PTPRD: variants seen among roughly 807,000 people sequenced by gnomAD.
PTPRD encodes protein tyrosine phosphatase receptor type D.
In PTPRD, 34 loss-of-function variants were observed where a neutral mutation model predicts 214.5. The ratio of observed to expected loss-of-function variants is 0.16; its 90% CI spans 0.12 to 0.21. PTPRD has a LOEUF of 0.21. Ranked by LOEUF, PTPRD falls within the 10% of genes least tolerant of loss-of-function variation. The pLI is 1.00. For missense variants in PTPRD, 2,545 were observed against 2,398.7 expected, an observed-to-expected ratio of 1.06 and a Z score of -1.27; for synonymous variants, 1,128 against 845.7, an observed-to-expected ratio of 1.33 and a Z score of -5.79.
At chr9:8,795,546 C>T (rs576910333) in intron 11 of PTPRD, among the ~76,000 whole-genome samples, 41 of 152,120 alleles carry the variant, frequency 2.7e-4, no homozygotes, top group Non-Finnish European at 5.6e-4. Flanking sequence ...CATTGGATAC[C>T]ACCACCAATA....
At chr9:10,299,227 A>G (rs1443532157) in intron 3 of PTPRD, among the ~76,000 whole-genome samples, 1 of 152,160 alleles carries the variant, frequency 6.6e-6, no homozygotes, top group Non-Finnish European at 1.5e-5. Flanking sequence ...TATTATCATC[A>G]TCAACAATGG....
At chr9:8,322,781 A>T (rs1383847703) in intron 44 of PTPRD, among the ~76,000 whole-genome samples, 1 of 152,192 alleles carries the variant, frequency 6.6e-6, no homozygotes, top group Non-Finnish European at 1.5e-5. Flanking sequence ...TATTGGAAGA[A>T]GTTGTCATCT....
At chr9:9,234,806 T>C (rs2099965537) in intron 9 of PTPRD, among the ~76,000 whole-genome samples, 2 of 152,180 alleles carry the variant, frequency 1.3e-5, no homozygotes, top group Non-Finnish European at 2.9e-5. Context: ...CATACCACTA[T>C]CAGCATTTCG....
chr9:9,802,851 T>C (rs1009568694), intron 5 of PTPRD, among the ~76,000 whole-genome samples: 5 of 151,900 alleles, frequency 3.3e-5, no homozygotes, highest in African/African-American at 1.2e-4. Context: ...TGTTTATTCA[T>C]TCTCTCTTTC....
chr9:8,325,193 A>G (rs1188692210), intron 44 of PTPRD, among the ~76,000 whole-genome samples: 1 of 150,026 alleles, frequency 6.7e-6, no homozygotes, highest in Non-Finnish European at 1.5e-5. Flanking sequence ...CCTGAATGGT[A>G]TTGCCTAGGT....
intron 12 of PTPRD, among the ~76,000 whole-genome samples, chr9:8,716,121 CT>C (rs1336193007): frequency 6.6e-6 from 1 of 152,126 alleles, no homozygotes; most frequent in East Asian, 1.9e-4. Flanking sequence ...CCGCAATTAC[CT>C]TTGCACCAAC....
chr9:10,567,185 A>G (rs747937342), intron 2 of PTPRD, among the ~76,000 whole-genome samples: 1 of 152,056 alleles, frequency 6.6e-6, no homozygotes, highest in Non-Finnish European at 1.5e-5. Flanking sequence ...AGTAATCTTT[A>G]TATTTCATAT....
At chr9:8,814,482 C>G (rs1484070917) in intron 11 of PTPRD, among the ~76,000 whole-genome samples, 2 of 152,032 alleles carry the variant, frequency 1.3e-5, no homozygotes, top group African/African-American at 2.4e-5. Context: ...AGGAAGACCC[C>G]AGAAAGGGTG....
intron 8 of PTPRD, among the ~76,000 whole-genome samples, chr9:9,520,527 C>CT (rs898186496): frequency 1.6e-4 from 24 of 152,114 alleles, no homozygotes; most frequent in African/African-American, 5.1e-4. Flanking sequence ...AATACAGTGT[C>CT]TTTTTTCTAC....
intron 27 of PTPRD, among the ~76,000 whole-genome samples, chr9:8,491,637 T>A (rs1272530096): frequency 6.8e-6 from 1 of 147,380 alleles, no homozygotes; most frequent in Non-Finnish European, 1.5e-5. Context: ...GGGCATTAAA[T>A]TAGCTTGATA....
intron 8 of PTPRD, among the ~76,000 whole-genome samples, chr9:9,425,261 C>G (rs13283014): frequency 0.068 from 10,340 of 151,888 alleles, 502 homozygotes; most frequent in Non-Finnish European, 0.11. Flanking sequence ...ACCAAATATG[C>G]TGAGCCTGGC....
intron 3 of PTPRD, among the ~76,000 whole-genome samples, chr9:10,332,077 A>C (rs2096761210): frequency 6.6e-6 from 1 of 151,838 alleles, no homozygotes; most frequent in Non-Finnish European, 1.5e-5. Flanking sequence ...TTTTACATTT[A>C]AATTGTTTTA....
chr9:10,029,661 T>C lies in PTPRD; in HGVS notation c.-472+4057A>G, dbSNP rs115001551. ...TATTTCCCCAGTGCCTGTATCCCTA[T>C]TGTACCTAGGAAGTAACTAATTTGC... On this transcript the variant is annotated intron_variant, in intron 4 of 45. Coordinates refer to ENST00000381196, the MANE Select transcript of PTPRD (RefSeq NM_002839.4). Among the ~76,000 whole-genome samples the C allele has an allele frequency of 2.6e-3, 394 of 152,300 alleles. 2 individuals are homozygous for C. The highest frequency in any genetic ancestry group is 8.6e-3 in the African/African-American group (358 of 41,576).
At chr9:9,159,823 T>C (rs2099884863) in intron 10 of PTPRD, among the ~76,000 whole-genome samples, 1 of 152,090 alleles carries the variant, frequency 6.6e-6, no homozygotes, top group African/African-American at 2.4e-5. Context: ...GTGATTGTAA[T>C]AAAAATCTCA....
intron 9 of PTPRD, among the ~76,000 whole-genome samples, chr9:9,323,381 A>C (rs1967691070): frequency 6.6e-6 from 1 of 152,176 alleles, no homozygotes; most frequent in Admixed American, 6.5e-5. Context: ...AGTTAGGTAG[A>C]AGTACAATTA....
At chr9:9,470,482 A>G (rs909352692) in intron 8 of PTPRD, among the ~76,000 whole-genome samples, 1 of 152,208 alleles carries the variant, frequency 6.6e-6, no homozygotes, top group African/African-American at 2.4e-5. Context: ...AAAGTATTTT[A>G]TTAATTAGAA....
In PTPRD at chr9:9,422,313, T is replaced by C. The variant is rs185139298; in HGVS notation, c.-236-24831A>G. 1.3e-3 allele frequency among the ~76,000 whole-genome samples: 195 copies of C among 152,286 alleles called. 1 individual carries two copies. Among genetic ancestry groups the C allele is most frequent in the Admixed American group, 0.012 (179 of 15,276 alleles). On this transcript the variant is annotated intron_variant, in intron 8 of 45. Coordinates refer to ENST00000381196, the MANE Select transcript of PTPRD (RefSeq NM_002839.4). ...TTTAATTCTTGGTTCTTAGCCATTA[T>C]ACTATCATAAAGAAGGGGGTGTGAA...
chr9:10,351,566 C>A (rs556139351), intron 2 of PTPRD, among the ~76,000 whole-genome samples: 5 of 151,846 alleles, frequency 3.3e-5, no homozygotes, highest in Non-Finnish European at 7.4e-5. Flanking sequence ...GAACCCTTAG[C>A]TTTTAGCTGT....
chr9:10,458,292 CTCGACAAA>C (rs1566178745), intron 2 of PTPRD, among the ~76,000 whole-genome samples: 2 of 152,176 alleles, frequency 1.3e-5, no homozygotes, highest in Admixed American at 6.6e-5. Flanking sequence ...GCAAAAATTA[CTCGACAAA>C]ATATTAGCAA....
Sources: allele counts gnomAD v4.1 joint callset (sites outside exome capture counted in the v4.1 genomes callset), GRCh38; gene constraint gnomAD v4.1.1; transcripts MANE v1.5; gene names NCBI Gene and HGNC (gene_info 2026-07-23, HGNC 2026-07-21).